Variants in USP13 observed in about 807,000 individuals in gnomAD.
The protein encoded by USP13 is ubiquitin specific peptidase 13, also known as ubiquitin carboxyl-terminal hydrolase 13.
A neutral mutation model predicts 107.8 loss-of-function variants in USP13; 68 were observed. That is an observed-to-expected ratio of 0.63 (90% confidence interval 0.52 to 0.77). The LOEUF is 0.77. Ranked by LOEUF, USP13 falls within the 30% of genes least tolerant of loss-of-function variation. The pLI is 0.00. For missense variants in USP13, 945 were observed against 1,093.3 expected, an observed-to-expected ratio of 0.86 and a Z score of 1.91; for synonymous variants, 377 against 389.5, an observed-to-expected ratio of 0.97 and a Z score of 0.38.
chr3:179,760,865 G>A (rs1714985759), intron 16 of USP13, among the ~76,000 whole-genome samples: 1 of 152,278 alleles, frequency 6.6e-6, no homozygotes, highest in African/African-American at 2.4e-5. Flanking sequence ...TTAGAGAATC[G>A]TTTTTCATTG....
intron 6 of USP13, among the ~76,000 whole-genome samples, chr3:179,717,400 C>A (rs1426677688): frequency 2.0e-5 from 3 of 152,112 alleles, no homozygotes; most frequent in African/African-American, 7.2e-5. Flanking sequence ...AGCATTTGAC[C>A]AAATCATGTC....
At chr3:179,738,130 A>G (rs1459389133) in intron 10 of USP13, among the ~76,000 whole-genome samples, 1 of 152,218 alleles carries the variant, frequency 6.6e-6, no homozygotes, top group Non-Finnish European at 1.5e-5. Context: ...GGTGTAAGAC[A>G]TGGCCTCCAC....
chr3:179,761,574 T>C (rs1387367542), intron 17 of USP13, among the ~76,000 whole-genome samples: 1 of 152,072 alleles, frequency 6.6e-6, no homozygotes, highest in Non-Finnish European at 1.5e-5. Context: ...ATACAAAAAT[T>C]AGCTGGGCAT....
At chr3:179,751,712 A>T (rs573741274) in intron 13 of USP13, among the ~76,000 whole-genome samples, 45 of 152,302 alleles carry the variant, frequency 3.0e-4, no homozygotes, top group African/African-American at 1.0e-3. Context: ...ACAATTTTGA[A>T]ACAGGTCCAA....
chr3:179,732,258 T>C (rs1443356619), intron 10 of USP13, among the ~76,000 whole-genome samples: 1 of 152,226 alleles, frequency 6.6e-6, no homozygotes, highest in East Asian at 1.9e-4. Flanking sequence ...GGCTGGAGTA[T>C]GGGGTTATCC....
intron 1 of USP13, among the ~76,000 whole-genome samples, chr3:179,679,805 T>G (rs868639366): frequency 3.0e-4 from 27 of 89,846 alleles, no homozygotes; most frequent in Non-Finnish European, 4.6e-4. Flanking sequence ...TTTTTTTTTT[T>G]TTTTTTTTTT....
intron 17 of USP13, among the ~76,000 whole-genome samples, chr3:179,761,748 C>CA (rs554908420): frequency 8.6e-5 from 13 of 151,418 alleles, no homozygotes; most frequent in East Asian, 1.9e-4. Context: ...AAAAAAACAA[C>CA]AAAAAAAACC....
chr3:179,774,232 A>T, intron 19 of USP13, among the ~76,000 whole-genome samples: 1 of 152,256 alleles, frequency 6.6e-6, no homozygotes, highest in Non-Finnish European at 1.5e-5. Flanking sequence ...TATTACCAGG[A>T]GAGGGCACCA....
rs1045288182 is a variant in USP13 at position 179,785,573 on chromosome 3, C to T, written c.*1432C>T. 1 of 152,182 alleles carries T rather than the reference C, an allele frequency of 6.6e-6. No homozygotes were observed. The highest frequency in any genetic ancestry group is 2.4e-5 in the African/African-American group (1 of 41,448). 9.4% of individuals were successfully genotyped at this position (152,182 alleles called of 1,614,324 possible). A position where few individuals can be genotyped will look rare whatever the true frequency, so the allele number is the denominator to read the frequency against. Reference sequence around the variant, plus strand: ...CAAACGAAAAAGAATTTATTGCTGTCTGTTTAACATGTATTTGTTTGGTTG... The same window carrying T: ...CAAACGAAAAAGAATTTATTGCTGTTTGTTTAACATGTATTTGTTTGGTTG... On this transcript the variant is annotated 3_prime_UTR_variant, in exon 21 of 21. Coordinates refer to ENST00000263966, the MANE Select transcript of USP13 (RefSeq NM_003940.3).
intron 1 of USP13, among the ~76,000 whole-genome samples, chr3:179,665,044 G>A (rs980291399): frequency 2.0e-5 from 3 of 152,020 alleles, no homozygotes; most frequent in African/African-American, 7.2e-5. Context: ...CCAAGATCGC[G>A]CCATTGCACT....
intron 2 of USP13, 100 bp from the exon 3 acceptor site, chr3:179,690,141 G>A (rs1712061949): frequency 9.1e-7 from 1 of 1,096,772 alleles, no homozygotes; most frequent in African/African-American, 1.6e-5. Flanking sequence ...ATTTCTTCTT[G>A]GCCTTCTGTA....
chr3:179,689,181 G>T (rs1358176427), intron 2 of USP13, among the ~76,000 whole-genome samples: 1 of 152,140 alleles, frequency 6.6e-6, no homozygotes, highest in Non-Finnish European at 1.5e-5. Context: ...ATGGTGGTCT[G>T]CTGGAAACAT....
At chr3:179,730,829 C>T in intron 10 of USP13, 120 bp downstream of exon 10, 1 of 839,886 alleles carries the variant, frequency 1.2e-6, no homozygotes, top group Non-Finnish European at 1.9e-6. Context: ...ATAGTAATGT[C>T]ATTTCAGTGT....
At chr3:179,746,804 A>T (rs1043927609) in intron 13 of USP13, among the ~76,000 whole-genome samples, 2 of 152,004 alleles carry the variant, frequency 1.3e-5, no homozygotes, top group Non-Finnish European at 2.9e-5. Context: ...ACCTCAGGTG[A>T]TCTGCCCTCC....
At chr3:179,762,932 T>C (rs1715055114) in intron 17 of USP13, among the ~76,000 whole-genome samples, 2 of 152,142 alleles carry the variant, frequency 1.3e-5, no homozygotes, top group Admixed American at 6.5e-5. Context: ...CCCATCCCAG[T>C]GGGTATGAAG....
Position 179,786,787 on chromosome 3 carries a change from G to A in USP13, c.*2646G>A, listed in dbSNP as rs945219757. On this transcript the variant is annotated 3_prime_UTR_variant, in exon 21 of 21. Transcript: ENST00000263966. Reference sequence around the variant, plus strand: ...GATTTTGTCAACTCATTATCAGTCTGTTAGCAGTCCTCTATGTGAGGCATG... The same window carrying A: ...GATTTTGTCAACTCATTATCAGTCTATTAGCAGTCCTCTATGTGAGGCATG... The A allele has an allele frequency of 6.6e-6, 1 of 152,226 alleles. No homozygotes were observed. Among genetic ancestry groups the A allele is most frequent in the African/African-American group, 2.4e-5 (1 of 41,454 alleles). The allele number at this position is 152,226 out of a possible 1,614,324, so 9.4% of individuals were successfully genotyped here. A position where few individuals can be genotyped will look rare whatever the true frequency, so the allele number is the denominator to read the frequency against.
chr3:179,760,657 T>C (rs1403228337), intron 16 of USP13, among the ~76,000 whole-genome samples: 1 of 152,026 alleles, frequency 6.6e-6, no homozygotes, highest in African/African-American at 2.4e-5. Flanking sequence ...CTCTCCGTTT[T>C]CCAGAGCTGC....
chr3:179,734,346 T>C (rs1428923433), intron 10 of USP13, among the ~76,000 whole-genome samples: 1 of 152,246 alleles, frequency 6.6e-6, no homozygotes, highest in Non-Finnish European at 1.5e-5. Flanking sequence ...TCTATCTTTA[T>C]GCATTCTAAG....
intron 6 of USP13, among the ~76,000 whole-genome samples, chr3:179,711,641 TC>T (rs1576944097): frequency 1.3e-5 from 2 of 152,242 alleles, no homozygotes; most frequent in East Asian, 3.9e-4. Context: ...GTCAGGATCA[TC>T]GGTATCACTG....
Sources: allele counts gnomAD v4.1 joint callset (sites outside exome capture counted in the v4.1 genomes callset), GRCh38; gene constraint gnomAD v4.1.1; transcripts MANE v1.5; gene names NCBI Gene and HGNC (gene_info 2026-07-23, HGNC 2026-07-21).